Variants in CUBN observed in about 807,000 individuals in gnomAD.
CUBN encodes the protein 460 kDa receptor.
A neutral mutation model predicts 405.3 loss-of-function variants in CUBN; 282 were observed. The observed-to-expected ratio is 0.70, with a 90% CI of 0.63 to 0.77. The LOEUF (loss-of-function observed/expected upper bound fraction) is 0.77. Ranked by LOEUF, CUBN falls within the 30% of genes least tolerant of loss-of-function variation. The probability of loss-of-function intolerance (pLI) is 0.00; values close to 1 mark genes in which losing one functional copy is unlikely to be tolerated. For synonymous variants in CUBN, 1,684 were observed against 1,617.0 expected (o/e 1.04, Z -0.99); for missense variants, 4,514 against 4,475.2 (o/e 1.01, Z -0.25).
intron 31 of CUBN, among the ~76,000 whole-genome samples, chr10:16,978,719 A>G (rs747028516): frequency 2.0e-5 from 3 of 152,210 alleles, no homozygotes; most frequent in Non-Finnish European, 4.4e-5. Context: ...TATTTGAATG[A>G]AATGTTGATA....
At chr10:17,056,606 C>T (rs1835402460) in intron 22 of CUBN, among the ~76,000 whole-genome samples, 1 of 151,110 alleles carries the variant, frequency 6.6e-6, no homozygotes, top group African/African-American at 2.4e-5. Flanking sequence ...GAGACTCCGT[C>T]TCAAAAAAAA....
chr10:16,951,654 C>T (rs1054733639), intron 33 of CUBN, among the ~76,000 whole-genome samples: 5 of 152,126 alleles, frequency 3.3e-5, no homozygotes, highest in African/African-American at 9.7e-5. Flanking sequence ...TCCTTACCAT[C>T]GGACTGTTAC....
rs1325872620 is a variant in CUBN at position 17,046,009 on chromosome 10, G to A, written c.3415C>T (p.Leu1139=). Residue 1139 remains leucine, a synonymous_variant, in exon 24 of 67, where the codon CTA becomes TTA. Coordinates refer to ENST00000377833, the MANE Select transcript of CUBN (RefSeq NM_001081.4). The part of the protein sequence containing the change: ...PPTIISHSNK[L]WLKFKSDQID... ...TGGTCACTCTTAAATTTTAACCATA[G>A]TTTGTTACTATGAGAGATGATTGTT... is the stretch of plus-strand genomic sequence containing the variant. 1.2e-6 allele frequency: 2 copies of A among 1,613,728 alleles called. No individual in the cohort carries two copies. Among genetic ancestry groups the A allele is most frequent in the Admixed American group, 1.7e-5 (1 of 59,982 alleles).
At position 17,088,176 on chromosome 10, in the gene CUBN, T is replaced by C. The variant is rs774008990; in HGVS notation, c.1935A>G (p.Lys645=). Residue 645 remains lysine, a synonymous_variant, in exon 15 of 67, where the codon AAA becomes AAG. Transcript: ENST00000377833. The stretch of plus-strand genomic sequence containing the variant: ...TATAATTATTTACCTCAAGGTAATC[T>C]TTGTTGCAGTCATCATGGTGCTCGA... ...LSLEHHDDCN[K]DYLEIRDGPL... is the part of the protein sequence containing the mutation. The C allele has an allele frequency of 8.7e-6, 14 of 1,612,222 alleles. No individual in the cohort carries two copies. The highest frequency in any genetic ancestry group is 1.3e-5 in the African/African-American group (1 of 74,878).
intron 58 of CUBN, among the ~76,000 whole-genome samples, chr10:16,873,282 G>C (rs1840410572): frequency 6.6e-6 from 1 of 152,144 alleles, no homozygotes; most frequent in Admixed American, 6.5e-5. Context: ...CTGGAGAGTG[G>C]GAGGTTGCAT....
intron 34 of CUBN, among the ~76,000 whole-genome samples, chr10:16,949,373 G>A (rs1842863808): frequency 6.6e-6 from 1 of 151,900 alleles, no homozygotes; most frequent in Non-Finnish European, 1.5e-5. Context: ...AGTGCAGGAT[G>A]AGAAGTTTTT....
chr10:17,091,939 C>T (rs4359105), intron 14 of CUBN, among the ~76,000 whole-genome samples: 81,835 of 151,708 alleles, frequency 0.54, 22,706 homozygotes, highest in East Asian at 0.7. Flanking sequence ...AGCCATTCTT[C>T]ATTCTTTCAC....
intron 29 of CUBN, among the ~76,000 whole-genome samples, chr10:16,989,450 T>G (rs1274055309): frequency 6.7e-6 from 1 of 148,252 alleles, no homozygotes; most frequent in Non-Finnish European, 1.5e-5. Flanking sequence ...CTGGGACATA[T>G]CTATATATGT....
chr10:16,947,135 AATTTCACGTAC>A, intron 36 of CUBN, 89 bp downstream of exon 36: 2 of 1,286,532 alleles, frequency 1.6e-6, no homozygotes, highest in South Asian at 2.4e-5. Context: ...ATACTTCCTA[AATTTCACGTAC>A]ACTATGAGTT....
Position 16,991,643 on chromosome 10 carries a change from TTTTA to T in CUBN, c.4169-1132_4169-1129del, listed in dbSNP as rs1833590794. On this transcript the variant is annotated intron_variant, in intron 28 of 66. Transcript: ENST00000377833. ...GGCCTCTTTTTCTGTTTTTTTTTTT[TTTTA>T]AATATTCTTTATTGGTTGGTAAATT... is the stretch of plus-strand genomic sequence containing the variant. Among the ~76,000 whole-genome samples, 2 of 151,640 alleles carry T rather than the reference TTTTA, an allele frequency of 1.3e-5. 1 individual carries two copies. Among genetic ancestry groups the T allele is most frequent in the Admixed American group, 1.3e-4 (2 of 15,240 alleles).
chr10:16,986,140 C>CA (rs1239261551), intron 29 of CUBN, among the ~76,000 whole-genome samples: 1 of 152,214 alleles, frequency 6.6e-6, no homozygotes, highest in East Asian at 1.9e-4. Flanking sequence ...CTTTGGGAGA[C>CA]AGTTTTCAAA....
At chr10:16,956,027 T>C (rs1300171593) in intron 31 of CUBN, among the ~76,000 whole-genome samples, 1 of 151,804 alleles carries the variant, frequency 6.6e-6, no homozygotes, top group African/African-American at 2.4e-5. Context: ...GGGAAAAAAA[T>C]AGAAAGTTCG....
At chr10:17,117,146 C>T (rs779330699) in intron 6 of CUBN, among the ~76,000 whole-genome samples, 3 of 150,428 alleles carry the variant, frequency 2.0e-5, no homozygotes, top group African/African-American at 4.9e-5. Flanking sequence ...ATTTATATTC[C>T]CCGCATCTCT....
At position 16,848,165 on chromosome 10, in the gene CUBN, C is replaced by T. The variant is rs147993329; in HGVS notation, c.9663+3070G>A. 2.9e-3 allele frequency among the ~76,000 whole-genome samples: 445 copies of T among 152,182 alleles called. 2 individuals carry two copies. Among genetic ancestry groups the T allele is most frequent in the Admixed American group, 8.9e-3 (136 of 15,288 alleles). Reference sequence around the variant, plus strand: ...TGCAGTTTCTGGCCTGAATGAATTGCGGAAATTCAGACAATGACAGGCTGT... The same window carrying T: ...TGCAGTTTCTGGCCTGAATGAATTGTGGAAATTCAGACAATGACAGGCTGT... On this transcript the variant is annotated intron_variant, in intron 60 of 66. Transcript: ENST00000377833.
chr10:17,013,239 C>T (rs1178585620), intron 28 of CUBN, among the ~76,000 whole-genome samples: 2 of 152,048 alleles, frequency 1.3e-5, no homozygotes, highest in African/African-American at 4.8e-5. Context: ...CTTCCTCTCT[C>T]TCTCTCTGAC....
At chr10:16,871,498 A>G (rs1190776390) in intron 58 of CUBN, among the ~76,000 whole-genome samples, 2 of 151,538 alleles carry the variant, frequency 1.3e-5, no homozygotes, top group East Asian at 3.9e-4. Context: ...TTTTTTTTCT[A>G]AAAGGTTTTG....
chr10:16,985,442 C>T (rs2131703864), intron 29 of CUBN, among the ~76,000 whole-genome samples: 1 of 152,310 alleles, frequency 6.6e-6, no homozygotes, highest in South Asian at 2.1e-4. Flanking sequence ...ACAGCTACCT[C>T]CATCGCCCAA....
At chr10:16,897,873 G>A (rs916082855) in intron 54 of CUBN, among the ~76,000 whole-genome samples, 1 of 152,104 alleles carries the variant, frequency 6.6e-6, no homozygotes, top group Non-Finnish European at 1.5e-5. Flanking sequence ...GATGTTATCA[G>A]AGGGACCCCC....
rs181334801 is a variant in CUBN at position 16,982,423 on chromosome 10, A to C, written c.4695+61T>G. On this transcript the variant is annotated intron_variant, in intron 31 of 66. Transcript: ENST00000377833. ...AGTAATACATTCACTAAATATGCTT[A>C]TATGGCAGTGTTTTGACCGAGGTTT... is the stretch of plus-strand genomic sequence containing the variant. The C allele has an allele frequency of 2.2e-5, 32 of 1,422,240 alleles. No individual in the cohort carries two copies. The African/African-American group carries it at 3.7e-4, about 17-fold the overall frequency. The allele number at this position is 1,422,240 out of a possible 1,614,324, so 88.1% of individuals were successfully genotyped here.
Sources: allele counts gnomAD v4.1 joint callset (sites outside exome capture counted in the v4.1 genomes callset), GRCh38; gene constraint gnomAD v4.1.1; transcripts MANE v1.5; gene names NCBI Gene and HGNC (gene_info 2026-07-23, HGNC 2026-07-21).